The following CPA5 variants were observed in gnomAD, a reference collection of about 807,000 sequenced individuals.
CPA5 encodes carboxypeptidase A5.
In CPA5, 38 loss-of-function variants were observed where a neutral mutation model predicts 52.2. The observed-to-expected ratio is 0.73, with a 90% CI of 0.56 to 0.95. The LOEUF (loss-of-function observed/expected upper bound fraction) is 0.95. Among genes scored for constraint, CPA5 ranks in the 40% least tolerant of loss-of-function variants. The pLI, the probability that CPA5 is intolerant of heterozygous loss-of-function variation, is 0.00. For synonymous variants in CPA5, 198 were observed against 213.7 expected (o/e 0.93, Z 0.64); for missense variants, 519 against 566.7 (o/e 0.92, Z 0.86).
At chr7:130,366,011 C>G (rs578180839) in intron 10 of CPA5, among the ~76,000 whole-genome samples, 1 of 152,216 alleles carries the variant, frequency 6.6e-6, no homozygotes, top group Non-Finnish European at 1.5e-5. Context: ...CGAGAAGGGG[C>G]GCGCTCCCTG....
At chr7:130,371,753 C>T (rs555230321), downstream of CPA5, among the ~76,000 whole-genome samples, 3 of 152,170 alleles carry the variant, frequency 2.0e-5, no homozygotes, top group Non-Finnish European at 4.4e-5. Flanking sequence ...GACAGGGTTT[C>T]TCCATGTTGG....
chr7:130,372,678 C>T (rs193209457), downstream of CPA5, among the ~76,000 whole-genome samples: 59 of 152,324 alleles, frequency 3.9e-4, 1 homozygote, highest in East Asian at 0.011. Context: ...TGTCATGCGG[C>T]CATGCCTAGC....
At chr7:130,369,171 C>G (rs1034683049), downstream of CPA5, among the ~76,000 whole-genome samples, 1 of 151,936 alleles carries the variant, frequency 6.6e-6, no homozygotes, top group Non-Finnish European at 1.5e-5. Context: ...ACCTGCTCCC[C>G]CCGAGGTGTC....
intron 6 of CPA5, among the ~76,000 whole-genome samples, chr7:130,360,378 C>G (rs1232352127): frequency 6.6e-6 from 1 of 152,196 alleles, no homozygotes; most frequent in Admixed American, 6.5e-5. Context: ...AAGGGAGGTG[C>G]CTTCACTTGG....
intron 4 of CPA5, among the ~76,000 whole-genome samples, chr7:130,349,023 T>G (rs1794956201): frequency 6.6e-6 from 1 of 152,204 alleles, no homozygotes; most frequent in Admixed American, 6.5e-5. Flanking sequence ...TCTGTTCGTC[T>G]AACCCTTATT....
intron 5 of CPA5, 62 bp from the exon 6 acceptor site, chr7:130,359,527 A>C: frequency 1.6e-6 from 2 of 1,240,332 alleles, no homozygotes; most frequent in Non-Finnish European, 2.3e-6. Context: ...GGCAGGGCTC[A>C]GAAGAGGCAT....
At chr7:130,348,676 A>G (rs1794929170) in intron 4 of CPA5, among the ~76,000 whole-genome samples, 1 of 152,224 alleles carries the variant, frequency 6.6e-6, no homozygotes, top group South Asian at 2.1e-4. Context: ...CGAAGTTGCA[A>G]TGAGTATGAG....
At chr7:130,364,790 T>C (rs1427693962) in intron 10 of CPA5, among the ~76,000 whole-genome samples, 1 of 152,204 alleles carries the variant, frequency 6.6e-6, no homozygotes, top group African/African-American at 2.4e-5. Context: ...TCTTCCCTGA[T>C]TATCTCCCTA....
chr7:130,363,496 G>C lies in CPA5; in HGVS notation c.825G>C (p.Lys275Asn). Residue 275 changes from lysine to asparagine, a missense_variant, in exon 10 of 13, where the codon AAG becomes AAC. By Grantham distance (94) the Lys-to-Asn change is moderately conservative. Transcript: ENST00000474905. Reference protein sequence around the residue: ...CIGVDLNRNWKSGFGGNGSNS... With the variant: ...CIGVDLNRNWNSGFGGNGSNS... ...GCGTGGATCTCAACAGGAACTGGAA[G>C]TCGGGTTTTGGAGGTATGGCAACCT... The C allele has an allele frequency of 6.3e-7, 1 of 1,584,892 alleles. No individual in the cohort carries two copies. The highest frequency in any genetic ancestry group is 1.2e-5 in the South Asian group (1 of 86,274).
At chr7:130,349,750 C>T (rs1795011027) in intron 4 of CPA5, among the ~76,000 whole-genome samples, 1 of 37,898 alleles carries the variant, frequency 2.6e-5, no homozygotes, top group Non-Finnish European at 5.8e-5. Context: ...AAACCTGTAT[C>T]CCAAATCTGT....
In CPA5 at chr7:130,367,510, C is replaced by T; in HGVS notation, c.977C>T (p.Ser326Phe). The change falls in exon 11 of 13, where the codon TCT becomes TTT. Residue 326 changes from serine to phenylalanine, a missense_variant. Transcript: ENST00000474905. The stretch of plus-strand genomic sequence containing the variant: ...GCTCTGATCTCCATCCACAGCTACT[C>T]TCAGATGCTTATGTACCCTTACGGC... ...FKALISIHSY[S>F]QMLMYPYGRL... 1.9e-6 allele frequency: 3 copies of T among 1,614,134 alleles called. No individual in the cohort carries two copies. The highest frequency in any genetic ancestry group is 2.5e-6 in the Non-Finnish European group (3 of 1,180,018).
chr7:130,367,963 A>G lies in CPA5; in HGVS notation c.1096A>G (p.Ile366Val). ...ALYKVHGIEYIFGSISTTLYV... is the reference protein window; with the variant it reads ...ALYKVHGIEYVFGSISTTLYV... ...GTATAAGGTCCATGGGATCGAGTACATTTTTGGCAGCATCAGCACCACCCT... is the reference window on the plus strand; with the variant it reads ...GTATAAGGTCCATGGGATCGAGTACGTTTTTGGCAGCATCAGCACCACCCT... Residue 366 changes from isoleucine (I) to valine (V), a missense_variant, in exon 12 of 13, where the codon ATT becomes GTT. By Grantham distance (29) the Ile-to-Val change is conservative (BLOSUM62 3). Transcript: ENST00000474905. The G allele has an allele frequency of 1.2e-6, 2 of 1,614,168 alleles. No homozygotes were observed. The highest frequency in any genetic ancestry group is 1.7e-6 in the Non-Finnish European group (2 of 1,180,022).
chr7:130,361,368 C>A, intron 7 of CPA5, 124 bp downstream of exon 7: 1 of 662,072 alleles, frequency 1.5e-6, no homozygotes, highest in Non-Finnish European at 2.7e-6. Flanking sequence ...TACTCCTGTC[C>A]CCAGGTGACC....
At position 130,364,878 on chromosome 7, in the gene CPA5, C is replaced by G. The variant is rs181915570; in HGVS notation, c.838+1369C>G. 6.6e-5 allele frequency among the ~76,000 whole-genome samples: 10 copies of G among 152,320 alleles called. No individual in the cohort carries two copies. In the East Asian group the frequency reaches 1.7e-3, roughly 26 times the overall value. ...GACAGGTCCATGGACCCTGGAAATA[C>G]AGCAATTTGATGGGCAGGACAATTT... On this transcript the variant is annotated intron_variant, in intron 10 of 12. Transcript: ENST00000474905.
intron 11 of CPA5, 76 bp from the exon 12 acceptor site, chr7:130,367,830 C>T: frequency 7.8e-7 from 1 of 1,276,456 alleles, no homozygotes; most frequent in Non-Finnish European, 1.1e-6. Context: ...TGCTTCTCAC[C>T]AGCTGGTGAG....
chr7:130,363,024 G>A, intron 9 of CPA5, 30 bp downstream of exon 9: 2 of 1,373,556 alleles, frequency 1.5e-6, no homozygotes, highest in Non-Finnish European at 2.1e-6. Flanking sequence ...ATGGAAGGAG[G>A]GGGTCAGCTC....
rs534357437 is a variant in CPA5 at position 130,368,332 on chromosome 7, A to C, written c.1124-78A>C. 7 of 1,442,740 alleles carry C rather than the reference A, an allele frequency of 4.9e-6. No homozygotes were observed. The African/African-American group carries it at 9.8e-5, about 20-fold the overall frequency. 89.4% of individuals were successfully genotyped at this position (1,442,740 alleles called of 1,614,324 possible). A position where few individuals can be genotyped will look rare whatever the true frequency, so the allele number is the denominator to read the frequency against. On this transcript the variant is annotated intron_variant, in intron 12 of 12. Coordinates refer to ENST00000474905, the MANE Select transcript of CPA5 (RefSeq NM_080385.5). ...GTTTGGCTCCCAGGGCTCACTTTCC[A>C]CCCAGGATGCCTCTGTACCTTGCAG...
At chr7:130,351,089 C>T (rs1233741664) in intron 5 of CPA5, among the ~76,000 whole-genome samples, 1 of 152,336 alleles carries the variant, frequency 6.6e-6, no homozygotes, top group East Asian at 1.9e-4. Context: ...GGCAGCATTC[C>T]GTTCCCATGC....
chr7:130,368,280 G>C, intron 12 of CPA5, 130 bp from the exon 13 acceptor site: 1 of 837,776 alleles, frequency 1.2e-6, no homozygotes, highest in Non-Finnish European at 1.9e-6. Flanking sequence ...TGGGCAGGAA[G>C]CCTGGTGTGG....
Sources: gnomAD v4.1 joint callset for allele counts (sites outside exome capture counted in the v4.1 genomes callset) on GRCh38, gnomAD v4.1.1 for gene constraint, MANE v1.5 for transcripts, NCBI Gene and HGNC (gene_info 2026-07-23, HGNC 2026-07-21) for gene names.